Variants in PFKL observed in about 807,000 individuals in gnomAD.
PFKL encodes the protein phosphofructokinase, liver type, also known as ATP-dependent 6-phosphofructokinase, liver type.
In PFKL, 74 loss-of-function variants were observed where a neutral mutation model predicts 92.1. The ratio of observed to expected loss-of-function variants is 0.80; its 90% confidence interval spans 0.67 to 0.97. The LOEUF is 0.97. Among genes scored for constraint, PFKL ranks in the 50% least tolerant of loss-of-function variants. The pLI, the probability that PFKL is intolerant of heterozygous loss-of-function variation, is 0.00. For synonymous variants in PFKL, 494 were observed against 456.4 expected (o/e 1.08, Z -1.05); for missense variants, 1,028 against 1,116.6 (o/e 0.92, Z 1.13).
At position 44,323,199 on chromosome 21, in the gene PFKL, G is replaced by A. The variant is rs116252362; in HGVS notation, c.1497+150G>A. 6.2e-4 allele frequency: 366 copies of A among 595,052 alleles called. 1 individual carries two copies. Among genetic ancestry groups the A allele is most frequent in the African/African-American group, 5.9e-3 (316 of 53,852 alleles). 36.9% of individuals were successfully genotyped at this position (595,052 alleles called of 1,614,324 possible). ...GGTTTTAAGTGCTGTGTGTGGGCTC[G>A]GGAGGGCACCCGTGTGCCAGCTGGG... On this transcript the variant is annotated intron_variant, in intron 15 of 21. Coordinates refer to ENST00000349048, the MANE Select transcript of PFKL (RefSeq NM_002626.6).
intron 15 of PFKL, 107 bp from the exon 16 acceptor site, chr21:44,323,659 A>G: frequency 7.2e-6 from 9 of 1,244,876 alleles, no homozygotes; most frequent in East Asian, 5.1e-5. Flanking sequence ...CACGGGGCAC[A>G]TGACAGGTCA....
chr21:44,327,108 A>G lies in PFKL; in HGVS notation c.*246A>G. Reference sequence around the variant, plus strand: ...CCCTGGGGCATCCACCTTCCTGCCCAGGGGACGTGGCGCTGTCGGTGTTTG... The same window carrying G: ...CCCTGGGGCATCCACCTTCCTGCCCGGGGGACGTGGCGCTGTCGGTGTTTG... On this transcript the variant is annotated 3_prime_UTR_variant, in exon 22 of 22. Transcript: ENST00000349048. The G allele has an allele frequency of 7.2e-6, 4 of 555,854 alleles. No homozygotes were observed. The highest frequency in any genetic ancestry group is 1.3e-5 in the Non-Finnish European group (4 of 308,840). The allele number at this position is 555,854 out of a possible 1,614,324, so 34.4% of individuals were successfully genotyped here. A position where few individuals can be genotyped will look rare whatever the true frequency, so the allele number is the denominator to read the frequency against.
chr21:44,326,434 A>G (rs1278908117), intron 21 of PFKL, among the ~76,000 whole-genome samples, 170 bp downstream of exon 21: 1 of 152,116 alleles, frequency 6.6e-6, no homozygotes, highest in Admixed American at 6.5e-5. Context: ...ACCATGCCCA[A>G]GTCTTCTGAG....
chr21:44,302,971 G>A (rs908086207), intron 1 of PFKL, among the ~76,000 whole-genome samples: 1 of 152,178 alleles, frequency 6.6e-6, no homozygotes, highest in African/African-American at 2.4e-5. Context: ...GGTGGCTCAC[G>A]CCTGTAATTC....
chr21:44,318,615 C>T lies in PFKL; in HGVS notation c.1062+20C>T, dbSNP rs199755995. On this transcript the variant is annotated intron_variant, in intron 10 of 21. Coordinates refer to ENST00000349048, the MANE Select transcript of PFKL (RefSeq NM_002626.6). ...CAGATGGTAAGCCCTGGGCCCCCCC[C>T]ATCAGAACCGCCTGGCCCCTCTCCC... 3.4e-6 allele frequency: 5 copies of T among 1,453,562 alleles called. No homozygotes were observed. The highest frequency in any genetic ancestry group is 1.4e-5 in the South Asian group (1 of 70,116). The allele number at this position is 1,453,562 out of a possible 1,614,324, so 90.0% of individuals were successfully genotyped here.
intron 9 of PFKL, 136 bp downstream of exon 9, chr21:44,316,660 G>A (rs2047215786): frequency 1.0e-5 from 7 of 671,050 alleles, no homozygotes; most frequent in Non-Finnish European, 1.5e-5. Context: ...GTGTCTGTGT[G>A]TGGGGGTGTA....
At chr21:44,324,380 C>T in intron 16 of PFKL, 111 bp from the exon 17 acceptor site, 1 of 1,123,168 alleles carries the variant, frequency 8.9e-7, no homozygotes, top group Non-Finnish European at 1.3e-6. Context: ...CTGGGTGCGT[C>T]AGCCCCAGGC....
rs566167402 is a variant in PFKL at position 44,319,983 on chromosome 21, G to A, written c.1128-101G>A. Reference sequence around the variant, plus strand: ...CTCATGGCTGAGCTTCCATCGGGCCGTGTGCCTGTGACCAGCCTCCTGGGC... The same window carrying A: ...CTCATGGCTGAGCTTCCATCGGGCCATGTGCCTGTGACCAGCCTCCTGGGC... On this transcript the variant is annotated intron_variant, in intron 11 of 21. Coordinates refer to ENST00000349048, the MANE Select transcript of PFKL (RefSeq NM_002626.6). The A allele has an allele frequency of 9.9e-5, 102 of 1,033,448 alleles. 1 individual carries two copies. The African/African-American group carries it at 1.3e-3, about 13-fold the overall frequency. The allele number at this position is 1,033,448 out of a possible 1,614,324, so 64.0% of individuals were successfully genotyped here.
intron 1 of PFKL, chr21:44,305,279 T>A (rs1351326235): frequency 1.5e-6 from 2 of 1,351,702 alleles, no homozygotes; most frequent in East Asian, 9.5e-5. Flanking sequence ...ACCTCACACC[T>A]GCTCCCTGCT....
At chr21:44,311,296 GCACAGA>G (rs772182683) in intron 3 of PFKL, among the ~76,000 whole-genome samples, 5 of 145,560 alleles carry the variant, frequency 3.4e-5, no homozygotes, top group African/African-American at 7.9e-5. Context: ...ACACAGGCGC[GCACAGA>G]CACAGACACG....
intron 14 of PFKL, 137 bp from the exon 15 acceptor site, chr21:44,322,825 G>A: frequency 1.8e-6 from 1 of 568,446 alleles, no homozygotes; most frequent in Non-Finnish European, 3.1e-6. Context: ...TGGAGCCACA[G>A]CGCCACATCC....
intron 4 of PFKL, 32 bp downstream of exon 4, chr21:44,312,326 G>A (rs774674427): frequency 3.6e-5 from 55 of 1,527,370 alleles, no homozygotes; most frequent in South Asian, 2.3e-4. Context: ...TGTAGGCCCT[G>A]GGGTTTTGTT....
chr21:44,317,770 G>A (rs563232127), intron 9 of PFKL, among the ~76,000 whole-genome samples: 2 of 152,336 alleles, frequency 1.3e-5, no homozygotes, highest in South Asian at 4.1e-4. Context: ...CTGCATGGGG[G>A]GTGTCTCCGA....
Position 44,325,148 on chromosome 21 carries a change from C to A in PFKL, c.1878-5C>A. 1 of 1,598,116 alleles carries A rather than the reference C, an allele frequency of 6.3e-7. No homozygotes were observed. Among genetic ancestry groups the A allele is most frequent in the Non-Finnish European group, 8.6e-7 (1 of 1,166,226 alleles). ...CGCCGACTCAGGCCCTGCTGCCCCT[C>A]TCAGGAACGAGAAGTGCCATGACTA... On this transcript the variant is annotated splice_region_variant and splice_polypyrimidine_tract_variant and intron_variant, in intron 18 of 21. Coordinates refer to ENST00000349048, the MANE Select transcript of PFKL (RefSeq NM_002626.6).
intron 9 of PFKL, 32 bp from the exon 10 acceptor site, chr21:44,318,438 G>A (rs1424304834): frequency 1.4e-6 from 2 of 1,464,616 alleles, no homozygotes; most frequent in Non-Finnish European, 1.8e-6. Context: ...GAGGGACCAA[G>A]TGGGTGTGCC....
chr21:44,322,025 C>T (rs2047368790), intron 13 of PFKL, 108 bp from the exon 14 acceptor site: 1 of 1,458,042 alleles, frequency 6.9e-7, no homozygotes, highest in African/African-American at 1.4e-5. Context: ...TCAGCTCTGC[C>T]TGCAGCGTGA....
intron 1 of PFKL, among the ~76,000 whole-genome samples, chr21:44,304,712 T>A (rs1449398569): frequency 1.1e-4 from 11 of 101,700 alleles, no homozygotes; most frequent in African/African-American, 1.5e-4. Context: ...GCTGTCTGTC[T>A]CGGGGGGCTT....
At position 44,307,204 on chromosome 21, in the gene PFKL, G is replaced by C. The variant is rs547809746; in HGVS notation, c.159+450G>C. The C allele has an allele frequency of 1.4e-4, 130 of 898,958 alleles. No homozygotes were observed. In the South Asian group the frequency reaches 1.8e-3, roughly 12 times the overall value. 55.7% of individuals were successfully genotyped at this position (898,958 alleles called of 1,614,324 possible). ...GCCTCCTGCCTCACCACCCAGACCC[G>C]GGGGGCAGCCGCTGGCAGCAGCTCT... On this transcript the variant is annotated intron_variant, in intron 2 of 21. Coordinates refer to ENST00000349048, the MANE Select transcript of PFKL (RefSeq NM_002626.6).
At chr21:44,315,585 A>G (rs931433847) in intron 7 of PFKL, 12 of 153,640 alleles carry the variant, frequency 7.8e-5, no homozygotes, top group Admixed American at 6.5e-4. Flanking sequence ...GAGTCCCACA[A>G]ATGTTGGCTG....
Sources: allele counts gnomAD v4.1 joint callset (sites outside exome capture counted in the v4.1 genomes callset), GRCh38; gene constraint gnomAD v4.1.1; transcripts MANE v1.5; gene names NCBI Gene and HGNC (gene_info 2026-07-23, HGNC 2026-07-21).